The following TARS3 variants were observed in gnomAD, a reference collection of about 807,000 sequenced individuals.
TARS3 encodes threonyl-tRNA synthetase 3.
TARS3 carries 94 observed loss-of-function variants against 103.5 expected under a neutral mutation model. The observed-to-expected ratio is 0.91, with a 90% CI of 0.77 to 1.08. The LOEUF is 1.08. TARS3 is among the 50% of genes least tolerant of loss of function. The probability of loss-of-function intolerance (pLI) is 0.00; values close to 1 mark genes in which losing one functional copy is unlikely to be tolerated. For missense variants in TARS3, 952 were observed against 995.2 expected (o/e 0.96, Z 0.58); for synonymous variants, 416 against 355.4 (o/e 1.17, Z -1.92).
intron 4 of TARS3, 95 bp downstream of exon 4, chr15:101,714,745 A>G: frequency 8.4e-7 from 1 of 1,191,088 alleles, no homozygotes; most frequent in East Asian, 2.6e-5. Flanking sequence ...CCCCCAAAAA[A>G]CTCAACATTC....
chr15:101,700,992 T>C, intron 10 of TARS3, 94 bp downstream of exon 10: 1 of 786,686 alleles, frequency 1.3e-6, no homozygotes, highest in Non-Finnish European at 2.0e-6. Flanking sequence ...CAAAGTAAAG[T>C]TAATGGAAAC....
At chr15:101,714,760 C>G in intron 4 of TARS3, 80 bp downstream of exon 4, 1 of 1,336,762 alleles carries the variant, frequency 7.5e-7, no homozygotes, top group South Asian at 2.0e-5. Context: ...ACATTCGTGA[C>G]TTCAATATGT....
intron 16 of TARS3, among the ~76,000 whole-genome samples, chr15:101,661,485 C>T (rs1304719114): frequency 6.6e-6 from 1 of 151,730 alleles, no homozygotes; most frequent in African/African-American, 2.4e-5. Context: ...ATGCCACTCT[C>T]CCTTAGTTTT....
intron 12 of TARS3, among the ~76,000 whole-genome samples, chr15:101,678,810 CTTTCTG>C (rs1276695158): frequency 3.3e-5 from 5 of 152,078 alleles, no homozygotes; most frequent in Non-Finnish European, 7.4e-5. Context: ...TCATCATTTC[CTTTCTG>C]TTTAGAAAAC....
At chr15:101,713,679 A>G (rs1385495299) in intron 4 of TARS3, among the ~76,000 whole-genome samples, 1 of 152,260 alleles carries the variant, frequency 6.6e-6, no homozygotes, top group Non-Finnish European at 1.5e-5. Flanking sequence ...GGAGTAATGC[A>G]CTGACTTAGG....
At chr15:101,682,505 A>G (rs947115793) in intron 12 of TARS3, among the ~76,000 whole-genome samples, 1 of 152,084 alleles carries the variant, frequency 6.6e-6, no homozygotes, top group African/African-American at 2.4e-5. Context: ...CATTTGATTA[A>G]GATGTCCTTT....
At chr15:101,708,769 G>C in intron 6 of TARS3, 24 bp downstream of exon 6, 1 of 1,432,748 alleles carries the variant, frequency 7.0e-7, no homozygotes, top group Non-Finnish European at 9.9e-7. Context: ...CCTAGTAAGA[G>C]GTTTAGGAGT....
Position 101,724,216 on chromosome 15 carries a change from G to A in TARS3, c.172C>T (p.Arg58Trp). 1 of 1,536,154 alleles carries A rather than the reference G, an allele frequency of 6.5e-7. No individual in the cohort carries two copies. The highest frequency in any genetic ancestry group is 8.7e-7 in the Non-Finnish European group (1 of 1,148,276). Residue 58 changes from arginine (R) to tryptophan (W), a missense_variant, in exon 1 of 19, where the codon CGG becomes TGG. Transcript: ENST00000335968. The stretch of plus-strand genomic sequence containing the variant: ...TGGCGCAGGTCGCAGTTCTCGGCCC[G>A]GAGCTGCGCCACCTCCCGCGTGAGG... ...PCLTREVAQL[R>W]AENCDLRHRL...
chr15:101,686,278 C>A (rs1898471510), intron 10 of TARS3, among the ~76,000 whole-genome samples: 1 of 151,806 alleles, frequency 6.6e-6, no homozygotes, highest in Middle Eastern at 3.2e-3. Context: ...TATTTTATAG[C>A]ATATAACAGT....
intron 15 of TARS3, among the ~76,000 whole-genome samples, chr15:101,667,996 TA>T (rs1325093250): frequency 2.0e-5 from 3 of 152,224 alleles, no homozygotes; most frequent in African/African-American, 7.2e-5. Flanking sequence ...ATTGAAAAGT[TA>T]GGGCTTTGCT....
chr15:101,714,938 T>C lies in TARS3; in HGVS notation c.592A>G (p.Ile198Val). The C allele has an allele frequency of 6.2e-7, 1 of 1,611,156 alleles. No individual in the cohort carries two copies. Among genetic ancestry groups the C allele is most frequent in the Non-Finnish European group, 8.5e-7 (1 of 1,178,236 alleles). The stretch of plus-strand genomic sequence containing the variant: ...CACAGTTCACCATTGACTTTGGCTA[T>C]TACCGTGCTTTCAGCCAGTTCCTGA... ...ISQELAESTV[I>V]AKVNGELWDL... is the part of the protein sequence containing the mutation. The change falls in exon 4 of 19, where the codon ATA becomes GTA. Residue 198 changes from isoleucine (I) to valine (V), a missense_variant. By Grantham distance (29) the Ile-to-Val change is conservative. Around this residue, in one of 2 missense-constraint regions of TARS3, gnomAD observed 412 missense variants for 364.2 expected, o/e 1.13. Transcript: ENST00000335968.
intron 6 of TARS3, among the ~76,000 whole-genome samples, chr15:101,706,153 A>G (rs1018100158): frequency 6.6e-6 from 1 of 151,964 alleles, no homozygotes; most frequent in African/African-American, 2.4e-5. Flanking sequence ...ACTATGTGCT[A>G]ATTTTTGTAT....
chr15:101,664,051 C>T (rs2141383642), intron 15 of TARS3: 1 of 152,298 alleles, frequency 6.6e-6, no homozygotes, highest in Non-Finnish European at 1.5e-5. Context: ...ATGCTTCTCT[C>T]TCTCCTCTCA....
intron 12 of TARS3, among the ~76,000 whole-genome samples, chr15:101,680,455 G>C (rs1237609540): frequency 6.6e-6 from 1 of 152,152 alleles, no homozygotes; most frequent in Non-Finnish European, 1.5e-5. Flanking sequence ...AACACCTAAG[G>C]AACTCACTAC....
intron 6 of TARS3, among the ~76,000 whole-genome samples, chr15:101,707,285 C>T (rs1027991853): frequency 1.3e-5 from 2 of 152,140 alleles, no homozygotes; most frequent in Non-Finnish European, 2.9e-5. Context: ...GGCGAGTTCT[C>T]GAAAACTTAA....
In TARS3 at chr15:101,701,202, T is replaced by C. The variant is rs758243725; in HGVS notation, c.1222-18A>G. 1 of 1,528,044 alleles carries C rather than the reference T, an allele frequency of 6.5e-7. No individual in the cohort carries two copies. The highest frequency in any genetic ancestry group is 8.9e-7 in the Non-Finnish European group (1 of 1,125,008). 94.7% of individuals were successfully genotyped at this position (1,528,044 alleles called of 1,614,324 possible). ...TCTTGTTCCTAGATTGAAACAAAAA[T>C]TGCATTTCAAATGTCATCTGCTATT... On this transcript the variant is annotated intron_variant, in intron 9 of 18. Coordinates refer to ENST00000335968, the MANE Select transcript of TARS3 (RefSeq NM_152334.3).
At chr15:101,715,874 T>G (rs1900131385) in intron 3 of TARS3, among the ~76,000 whole-genome samples, 1 of 152,234 alleles carries the variant, frequency 6.6e-6, no homozygotes, top group Non-Finnish European at 1.5e-5. Flanking sequence ...ATTTCTGATG[T>G]CAATTGAACG....
chr15:101,724,082 C>T lies in TARS3; in HGVS notation c.297+9G>A. ...CGCGTCCTCTCCAGTGTCCCCACCG[C>T]CCGGTTACCTGTGCGCCGGCCTCCT... On this transcript the variant is annotated intron_variant, in intron 1 of 18. Coordinates refer to ENST00000335968, the MANE Select transcript of TARS3 (RefSeq NM_152334.3). 1.5e-6 allele frequency: 2 copies of T among 1,362,796 alleles called. No individual in the cohort carries two copies. Among genetic ancestry groups the T allele is most frequent in the East Asian group, 6.1e-5 (2 of 32,840 alleles). 84.4% of individuals were successfully genotyped at this position (1,362,796 alleles called of 1,614,324 possible). A position where few individuals can be genotyped will look rare whatever the true frequency, so the allele number is the denominator to read the frequency against.
intron 8 of TARS3, 40 bp downstream of exon 8, chr15:101,703,819 C>T (rs1384412826): frequency 7.9e-6 from 10 of 1,261,998 alleles, no homozygotes; most frequent in African/African-American, 1.5e-5. Context: ...ATAGCTAGTG[C>T]ACCTTAAGTT....
Sources: gnomAD v4.1 joint callset for allele counts (sites outside exome capture counted in the v4.1 genomes callset) on GRCh38, gnomAD v4.1.1 for gene constraint, gnomAD v4.1.1 regional missense constraint, MANE v1.5 for transcripts, NCBI Gene and HGNC (gene_info 2026-07-23, HGNC 2026-07-21) for gene names.